RPS6KA1: variants seen among roughly 807,000 people sequenced by gnomAD.
RPS6KA1 encodes ribosomal protein S6 kinase A1.
Under a neutral mutation model 91.3 loss-of-function variants are expected in RPS6KA1, and 48 were observed. That is an observed-to-expected ratio of 0.53 (90% confidence interval 0.42 to 0.67). The LOEUF (loss-of-function observed/expected upper bound fraction) is 0.67, where lower values mean the gene tolerates loss of function less well. RPS6KA1 is among the 30% of genes least tolerant of loss of function. RPS6KA1 has a pLI of 0.00. For missense variants in RPS6KA1, 719 were observed against 960.5 expected (o/e 0.75, Z 3.32); for synonymous variants, 359 against 384.7 (o/e 0.93, Z 0.78).
At chr1:26,544,575 A>AGCCATTCTCCTGCCTCAGCTTCCC (rs2075975983) in intron 2 of RPS6KA1, among the ~76,000 whole-genome samples, 1 of 151,798 alleles carries the variant, frequency 6.6e-6, no homozygotes, top group Admixed American at 6.6e-5. Flanking sequence ...CCCAGGTTCA[A>AGCCATTCTCCTGCCTCAGCTTCCC]GCCATTCTCC....
chr1:26,559,032 C>CA, intron 14 of RPS6KA1, 95 bp downstream of exon 14: 1 of 1,457,690 alleles, frequency 6.9e-7, no homozygotes, highest in Non-Finnish European at 9.3e-7. Context: ...TTCATACCCT[C>CA]ATGCCACTGT....
chr1:26,561,398 A>T lies in RPS6KA1; in HGVS notation c.1432-107A>T, dbSNP rs1557509656. 7.0e-7 allele frequency: 1 copy of T among 1,431,054 alleles called. No individual in the cohort carries two copies. The highest frequency in any genetic ancestry group is 9.7e-7 in the Non-Finnish European group (1 of 1,029,030). The allele number at this position is 1,431,054 out of a possible 1,614,324, so 88.6% of individuals were successfully genotyped here. ...GCAGGACCACTGAAGAGCAAGCAGAACACCTGCCCAAGGCTCATGTCATTC... is the reference window on the plus strand; with the variant it reads ...GCAGGACCACTGAAGAGCAAGCAGATCACCTGCCCAAGGCTCATGTCATTC... On this transcript the variant is annotated intron_variant, in intron 16 of 21. Transcript: ENST00000374168. This position sits in a 1 kb window ranked among gnomAD's most constrained non-coding sequence, Gnocchi z 5.7.
intron 1 of RPS6KA1, among the ~76,000 whole-genome samples, chr1:26,533,310 C>T (rs1247532742): frequency 6.6e-6 from 1 of 152,156 alleles, no homozygotes; most frequent in Non-Finnish European, 1.5e-5. Context: ...GATCTCTTGA[C>T]CTCGTGATCC....
At position 26,540,915 on chromosome 1, in the gene RPS6KA1, G is replaced by A. The variant is rs1184478941; in HGVS notation, c.108+3946G>A. On this transcript the variant is annotated intron_variant, in intron 2 of 21. Transcript: ENST00000374168. The surrounding 1 kb of genome is among the most constrained non-coding windows in gnomAD (Gnocchi z 4.2). ...AAGCGATTCTCCTGCCTCAGCCTCCGTAGTAGCTGGGATTGCAGGCATATG... is the reference window on the plus strand; with the variant it reads ...AAGCGATTCTCCTGCCTCAGCCTCCATAGTAGCTGGGATTGCAGGCATATG... Among the ~76,000 whole-genome samples, 1 of 152,080 alleles carries A rather than the reference G, an allele frequency of 6.6e-6. No individual in the cohort carries two copies. Among genetic ancestry groups the A allele is most frequent in the Non-Finnish European group, 1.5e-5 (1 of 68,000 alleles).
chr1:26,554,739 G>T lies in RPS6KA1; in HGVS notation c.756+1G>T. On this transcript the variant is annotated splice_donor_variant, in intron 9 of 21. Coordinates refer to ENST00000374168, the MANE Select transcript of RPS6KA1 (RefSeq NM_002953.4). LOFTEE classifies it high-confidence loss of function. The surrounding 1 kb of genome is among the most constrained non-coding windows in gnomAD (Gnocchi z 4.6). ...CTGGTGGTCCTATGGGGTGTTGATGGTGAGTGCCCAGACAGGGGTAAAGGA... is the reference window on the plus strand; with the variant it reads ...CTGGTGGTCCTATGGGGTGTTGATGTTGAGTGCCCAGACAGGGGTAAAGGA... The T allele has an allele frequency of 6.3e-7, 1 of 1,597,788 alleles. No homozygotes were observed. Among genetic ancestry groups the T allele is most frequent in the Non-Finnish European group, 8.6e-7 (1 of 1,167,390 alleles).
intron 2 of RPS6KA1, among the ~76,000 whole-genome samples, chr1:26,546,512 G>A (rs765752565): frequency 3.3e-5 from 5 of 152,158 alleles, no homozygotes; most frequent in Non-Finnish European, 7.4e-5. Context: ...ACTTCCTATT[G>A]TGGCAACACT....
chr1:26,537,371 G>A (rs2075914921), intron 2 of RPS6KA1, among the ~76,000 whole-genome samples: 1 of 152,256 alleles, frequency 6.6e-6, no homozygotes, highest in Admixed American at 6.5e-5. Context: ...GGGCACGTGA[G>A]CTGGAAAGGG....
chr1:26,558,969 T>C lies in RPS6KA1; in HGVS notation c.1215+32T>C. The C allele has an allele frequency of 3.1e-6, 5 of 1,593,288 alleles. No homozygotes were observed. Among genetic ancestry groups the C allele is most frequent in the Non-Finnish European group, 4.3e-6 (5 of 1,164,012 alleles). ...GGGGCAGGGGGCTGCTGCTCCATTA[T>C]CCTTTTCTAAAGAATGGCTGAGTAC... On this transcript the variant is annotated intron_variant, in intron 14 of 21. Coordinates refer to ENST00000374168, the MANE Select transcript of RPS6KA1 (RefSeq NM_002953.4). The surrounding 1 kb of genome is among the most constrained non-coding windows in gnomAD (Gnocchi z 4.0).
At position 26,563,003 on chromosome 1, in the gene RPS6KA1, AT is replaced by A. The variant is rs200496086; in HGVS notation, c.1590+1347del. On this transcript the variant is annotated intron_variant, in intron 17 of 21. Transcript: ENST00000374168. The stretch of plus-strand genomic sequence containing the variant: ...AGGCGCCTGTCACCATGCCTGGCTA[AT>A]TTTTTTGTATTTTTAGTAGAGATGG... 9.5e-3 allele frequency among the ~76,000 whole-genome samples: 1,437 copies of A among 151,020 alleles called. 31 individuals are homozygous for A. Among genetic ancestry groups the A allele is most frequent in the African/African-American group, 0.033 (1,359 of 41,166 alleles).
chr1:26,572,164 G>A lies in RPS6KA1; in HGVS notation c.1830-12G>A, dbSNP rs745441811. 1.7e-5 allele frequency: 27 copies of A among 1,607,180 alleles called. No homozygotes were observed. Among genetic ancestry groups the A allele is most frequent in the Middle Eastern group, 1.6e-4 (1 of 6,070 alleles). The stretch of plus-strand genomic sequence containing the variant: ...CAGAGTCTGTACCCAGACCGTGCGG[G>A]CTTTTCTGCAGATATACTCCATTTG... On this transcript the variant is annotated splice_polypyrimidine_tract_variant and intron_variant, in intron 19 of 21. Transcript: ENST00000374168.
At chr1:26,542,145 C>T (rs999029299) in intron 2 of RPS6KA1, among the ~76,000 whole-genome samples, 5 of 152,164 alleles carry the variant, frequency 3.3e-5, no homozygotes, top group Admixed American at 2.0e-4. Context: ...TATCTCAGCC[C>T]GTATCTGGAG....
Position 26,554,142 on chromosome 1 carries a change from A to G in RPS6KA1, c.576-72A>G. On this transcript the variant is annotated intron_variant, in intron 7 of 21. Coordinates refer to ENST00000374168, the MANE Select transcript of RPS6KA1 (RefSeq NM_002953.4). This position sits in a 1 kb window ranked among gnomAD's most constrained non-coding sequence, Gnocchi z 4.6. ...CTCCTCTGGGCTGAACCCAACTCCC[A>G]CAGCCCTGTGGTAACACCATCACCC... The G allele has an allele frequency of 6.7e-7, 1 of 1,496,484 alleles. No individual in the cohort carries two copies. The highest frequency in any genetic ancestry group is 9.1e-7 in the Non-Finnish European group (1 of 1,103,564). The allele number at this position is 1,496,484 out of a possible 1,614,324, so 92.7% of individuals were successfully genotyped here.
rs1218559683 is a variant in RPS6KA1, at chr1:26,571,444, C to T, written c.1591-5C>T. 2 of 1,614,076 alleles carry T rather than the reference C, an allele frequency of 1.2e-6. No individual in the cohort carries two copies. The highest frequency in any genetic ancestry group is 1.3e-5 in the African/African-American group (1 of 75,032). On this transcript the variant is annotated splice_region_variant and splice_polypyrimidine_tract_variant and intron_variant, in intron 17 of 21. Coordinates refer to ENST00000374168, the MANE Select transcript of RPS6KA1 (RefSeq NM_002953.4). This position sits in a 1 kb window ranked among gnomAD's most constrained non-coding sequence, Gnocchi z 5.1. The stretch of plus-strand genomic sequence containing the variant: ...TGAGAACTGACCCCAGCCCCCTGCC[C>T]CTAGGTTGTGCACAGGGACCTGAAG...
intron 2 of RPS6KA1, chr1:26,543,092 C>T: frequency 2.0e-6 from 3 of 1,510,446 alleles, no homozygotes; most frequent in South Asian, 2.4e-5. Context: ...GCCTTCTGGG[C>T]CAGGAAGGCT....
intron 13 of RPS6KA1, among the ~76,000 whole-genome samples, chr1:26,557,801 C>T (rs983392936): frequency 9.1e-5 from 12 of 131,924 alleles, no homozygotes; most frequent in African/African-American, 2.0e-4. Flanking sequence ...CCCCTCCCCT[C>T]CCCTCCCCTT....
intron 6 of RPS6KA1, 51 bp from the exon 7 acceptor site, chr1:26,553,340 G>A: frequency 4.5e-6 from 6 of 1,324,576 alleles, no homozygotes; most frequent in Non-Finnish European, 5.4e-6. Flanking sequence ...CAGTGCCCCA[G>A]CTCTTAAGGA....
At chr1:26,573,091 TG>T in intron 20 of RPS6KA1, 132 bp from the exon 21 acceptor site, 1 of 899,610 alleles carries the variant, frequency 1.1e-6, no homozygotes, top group Non-Finnish European at 1.7e-6. Context: ...TGGAGCAGAG[TG>T]GAGAATGGAT....
intron 1 of RPS6KA1, chr1:26,530,814 C>T (rs2075861981): frequency 2.3e-6 from 3 of 1,288,686 alleles, no homozygotes; most frequent in Non-Finnish European, 3.0e-6. Context: ...CCACCTCTTC[C>T]TGTGCCTTTT....
intron 17 of RPS6KA1, among the ~76,000 whole-genome samples, chr1:26,568,060 A>G (rs184455459): frequency 5.9e-4 from 90 of 152,278 alleles, no homozygotes; most frequent in Middle Eastern, 3.4e-3. Flanking sequence ...CCTGCAAGAT[A>G]AGGGGTGTTT....
Sources: allele counts gnomAD v4.1 joint callset (sites outside exome capture counted in the v4.1 genomes callset), GRCh38; gene constraint gnomAD v4.1.1; non-coding constraint Gnocchi (gnomAD v3.1); transcripts MANE v1.5; gene names NCBI Gene and HGNC (gene_info 2026-07-23, HGNC 2026-07-21).